The following TYW1 variants were observed in gnomAD, a reference collection of about 807,000 sequenced individuals.
TYW1 encodes S-adenosyl-L-methionine-dependent tRNA 4-demethylwyosine synthase TYW1.
A neutral mutation model predicts 96.2 loss-of-function variants in TYW1; 46 were observed. The ratio of observed to expected loss-of-function variants is 0.48; its 90% confidence interval spans 0.38 to 0.61. TYW1 has a LOEUF of 0.61. Among genes scored for constraint, TYW1 ranks in the 20% least tolerant of loss-of-function variants. The pLI, the probability that TYW1 is intolerant of heterozygous loss-of-function variation, is 0.00. For synonymous variants in TYW1, 274 were observed against 323.0 expected, an observed-to-expected ratio of 0.85 and a Z score of 1.63; for missense variants, 684 against 909.6, an observed-to-expected ratio of 0.75 and a Z score of 3.19.
chr7:66,999,253 C>T (rs1793295863), intron 3 of TYW1, among the ~76,000 whole-genome samples: 1 of 152,160 alleles, frequency 6.6e-6, no homozygotes, highest in Non-Finnish European at 1.5e-5. Flanking sequence ...GTTGTGAGTC[C>T]ATTATCGATG....
intron 11 of TYW1, among the ~76,000 whole-genome samples, chr7:67,093,403 C>T (rs190994043): frequency 6.6e-6 from 1 of 152,122 alleles, no homozygotes; most frequent in South Asian, 2.1e-4. Context: ...AAACTACCTT[C>T]GCGGTGGAGC....
At chr7:67,091,635 T>C (rs1176061944) in intron 11 of TYW1, among the ~76,000 whole-genome samples, 1 of 152,152 alleles carries the variant, frequency 6.6e-6, no homozygotes. Context: ...CAAGAAGACA[T>C]GAAGTGGAGT....
intron 13 of TYW1, among the ~76,000 whole-genome samples, chr7:67,135,336 A>G (rs35713607): frequency 0.29 from 37,845 of 131,030 alleles, 5,920 homozygotes; most frequent in African/African-American, 0.43. Context: ...ACAGTCTCTC[A>G]CTCTGTCACC....
At chr7:67,207,134 G>A (rs1800827243) in intron 15 of TYW1, among the ~76,000 whole-genome samples, 1 of 152,094 alleles carries the variant, frequency 6.6e-6, no homozygotes, top group African/African-American at 2.4e-5. Flanking sequence ...GACTACTTCT[G>A]TCAGATCTGT....
intron 7 of TYW1, among the ~76,000 whole-genome samples, chr7:67,030,356 G>A (rs1794631256): frequency 6.6e-6 from 1 of 152,142 alleles, no homozygotes; most frequent in Non-Finnish European, 1.5e-5. Context: ...ATGGCTGGGT[G>A]TGGTGGCTCA....
chr7:67,210,294 G>A (rs1800956712), intron 15 of TYW1, among the ~76,000 whole-genome samples: 1 of 152,172 alleles, frequency 6.6e-6, no homozygotes, highest in South Asian at 2.1e-4. Flanking sequence ...TTAGGAGGAA[G>A]ATCACTGAGG....
At chr7:67,206,913 T>G (rs1800819521) in intron 15 of TYW1, among the ~76,000 whole-genome samples, 1 of 152,220 alleles carries the variant, frequency 6.6e-6, no homozygotes, top group South Asian at 2.1e-4. Flanking sequence ...ATTGGATTTG[T>G]AATGGCCTTC....
chr7:67,187,050 A>C (rs963652812), intron 14 of TYW1, among the ~76,000 whole-genome samples: 1 of 126,494 alleles, frequency 7.9e-6, no homozygotes, highest in Non-Finnish European at 1.6e-5. Flanking sequence ...AACCACAATT[A>C]AATTTTTTTT....
rs557328716 is a variant in TYW1, at chr7:67,089,679, T to A, written c.1384+6140T>A. ...GTCCTGAGCAGCTTTGGAAGATAAT[T>A]CCTGATGTTTTCAATGCTTGTCTTT... is the stretch of plus-strand genomic sequence containing the variant. On this transcript the variant is annotated intron_variant, in intron 11 of 15. Coordinates refer to ENST00000359626, the MANE Select transcript of TYW1 (RefSeq NM_018264.4). 2.6e-5 allele frequency among the ~76,000 whole-genome samples: 4 copies of A among 152,332 alleles called. No homozygotes were observed. The South Asian group carries it at 8.3e-4, about 32-fold the overall frequency.
intron 15 of TYW1, among the ~76,000 whole-genome samples, chr7:67,209,929 A>G (rs1800944269): frequency 6.6e-6 from 1 of 152,080 alleles, no homozygotes; most frequent in Non-Finnish European, 1.5e-5. Flanking sequence ...TTACAGAAAA[A>G]TTGAGACTGT....
chr7:67,041,337 T>C lies in TYW1; in HGVS notation c.985-8612T>C, dbSNP rs1401782517. ...TTTCTTTTTTTTGAGACAGTCTTGC[T>C]GTGTTGCCCAGGCTGGAGTGCAGTG... On this transcript the variant is annotated intron_variant, in intron 7 of 15. Coordinates refer to ENST00000359626, the MANE Select transcript of TYW1 (RefSeq NM_018264.4). Among the ~76,000 whole-genome samples the C allele has an allele frequency of 2.6e-5, 4 of 152,232 alleles. No individual in the cohort carries two copies. The East Asian group carries it at 7.7e-4, about 29-fold the overall frequency.
chr7:67,037,826 C>G (rs1259435235), intron 7 of TYW1, among the ~76,000 whole-genome samples: 2 of 152,094 alleles, frequency 1.3e-5, no homozygotes, highest in African/African-American at 4.8e-5. Flanking sequence ...TTAAAAAATA[C>G]TGTGATGAAT....
chr7:67,004,906 C>T (rs1424847295), intron 3 of TYW1, among the ~76,000 whole-genome samples: 1 of 152,112 alleles, frequency 6.6e-6, no homozygotes, highest in Non-Finnish European at 1.5e-5. Context: ...CAGGTGTGCG[C>T]CACCACATCT....
chr7:67,002,960 G>A (rs1359642116), intron 3 of TYW1, among the ~76,000 whole-genome samples: 4 of 151,146 alleles, frequency 2.6e-5, no homozygotes, highest in Non-Finnish European at 4.4e-5. Context: ...TAGTGGAGAC[G>A]GGGTTTCTGC....
chr7:67,013,226 A>G (rs1793877859), intron 4 of TYW1, among the ~76,000 whole-genome samples: 1 of 151,522 alleles, frequency 6.6e-6, no homozygotes, highest in Admixed American at 6.6e-5. Context: ...GGGCTCAAGC[A>G]GTTCTCCTGC....
At chr7:67,124,961 G>A (rs1584591992) in intron 13 of TYW1, among the ~76,000 whole-genome samples, 1 of 152,220 alleles carries the variant, frequency 6.6e-6, no homozygotes, top group East Asian at 1.9e-4. Context: ...CAGCTCCCAA[G>A]TAGCTGGAAT....
At chr7:66,999,934 C>CT (rs879710933) in intron 3 of TYW1, among the ~76,000 whole-genome samples, 31 of 148,082 alleles carry the variant, frequency 2.1e-4, no homozygotes, top group Middle Eastern at 3.5e-3. Context: ...CTCCTTTTTG[C>CT]TTTTTTTTTT....
At chr7:67,021,013 G>A (rs1400520523) in intron 6 of TYW1, among the ~76,000 whole-genome samples, 1 of 152,294 alleles carries the variant, frequency 6.6e-6, no homozygotes, top group African/African-American at 2.4e-5. Context: ...GGGTGACAGA[G>A]CGAGACGCTG....
intron 13 of TYW1, among the ~76,000 whole-genome samples, chr7:67,176,286 T>C (rs184307184): frequency 1.0e-3 from 154 of 152,352 alleles, no homozygotes; most frequent in African/African-American, 3.4e-3. Context: ...AAGGTAATTA[T>C]TTTGGCAGAT....
Sources: gnomAD v4.1 joint callset for allele counts (sites outside exome capture counted in the v4.1 genomes callset) on GRCh38, gnomAD v4.1.1 for gene constraint, MANE v1.5 for transcripts, NCBI Gene and HGNC (gene_info 2026-07-23, HGNC 2026-07-21) for gene names.